The following NF1 variants were observed in gnomAD, a reference collection of about 807,000 sequenced individuals.
The protein encoded by NF1 is neurofibromin 1.
NF1 carries 122 observed loss-of-function variants against 325.7 expected under a neutral mutation model. That is an observed-to-expected ratio of 0.37 (90% CI 0.32 to 0.44). The LOEUF (loss-of-function observed/expected upper bound fraction) is 0.44, where lower values mean the gene tolerates loss of function less well. Ranked by LOEUF, NF1 falls within the 20% of genes least tolerant of loss-of-function variation. The probability of loss-of-function intolerance (pLI) is 1.00; values close to 1 mark genes in which losing one functional copy is unlikely to be tolerated. For missense variants in NF1, 2,140 were observed against 3,415.4 expected (o/e 0.63, Z 9.31); for synonymous variants, 1,091 against 1,186.0 (o/e 0.92, Z 1.65).
chr17:31,163,773 A>G (rs1016005698), intron 4 of NF1, among the ~76,000 whole-genome samples: 2 of 152,208 alleles, frequency 1.3e-5, no homozygotes, highest in Non-Finnish European at 2.9e-5. Context: ...TAAACATATT[A>G]TCCCTTTAAA....
At chr17:31,158,927 TTA>T (rs1429489496) in intron 2 of NF1, 81 bp from the exon 3 acceptor site, 1 of 794,038 alleles carries the variant, frequency 1.3e-6, no homozygotes, top group Non-Finnish European at 2.2e-6. Flanking sequence ...TGTTGATCTT[TTA>T]GTCTTTCACT....
At chr17:31,110,670 A>G (rs1296630805) in intron 1 of NF1, among the ~76,000 whole-genome samples, 1 of 152,200 alleles carries the variant, frequency 6.6e-6, no homozygotes, top group Non-Finnish European at 1.5e-5. Context: ...ACAAAGACTT[A>G]TTTTAAAATA....
chr17:31,115,892 T>G (rs1211564636), intron 1 of NF1, among the ~76,000 whole-genome samples: 4 of 152,242 alleles, frequency 2.6e-5, no homozygotes, highest in African/African-American at 9.6e-5. Context: ...GTTTTTGTTT[T>G]GTTTTCTTTT....
intron 1 of NF1, among the ~76,000 whole-genome samples, chr17:31,105,685 T>C (rs1418399828): frequency 6.6e-6 from 1 of 151,970 alleles, no homozygotes; most frequent in Admixed American, 6.6e-5. Context: ...CAGCTGATTT[T>C]GTTTTTTTAG....
intron 40 of NF1, among the ~76,000 whole-genome samples, chr17:31,335,296 A>ATATATATATATATATATATATAGG (rs1440930498): frequency 2.2e-4 from 11 of 50,084 alleles, no homozygotes; most frequent in Non-Finnish European, 2.6e-4. Flanking sequence ...ATATATATAT[A>ATATATATATATATATATATATAGG]ATTATGCCTT....
intron 43 of NF1, 106 bp from the exon 44 acceptor site, chr17:31,337,713 C>T: frequency 7.2e-7 from 1 of 1,397,948 alleles, no homozygotes; most frequent in South Asian, 1.2e-5. Flanking sequence ...CTTGCATGGA[C>T]TGTGTTATTG....
At chr17:31,256,696 C>T (rs2067588924) in intron 31 of NF1, among the ~76,000 whole-genome samples, 1 of 152,124 alleles carries the variant, frequency 6.6e-6, no homozygotes, top group Admixed American at 6.6e-5. Context: ...GTATCTAATT[C>T]TAAATGTATA....
intron 57 of NF1, among the ~76,000 whole-genome samples, chr17:31,370,005 G>GT (rs547035430): frequency 1.7e-3 from 250 of 149,918 alleles, no homozygotes; most frequent in Non-Finnish European, 2.1e-3. Context: ...CATTTTAATT[G>GT]TTTTTTTTTA....
chr17:31,246,595 G>A (rs966270822), intron 29 of NF1, among the ~76,000 whole-genome samples: 1 of 152,138 alleles, frequency 6.6e-6, no homozygotes, highest in Non-Finnish European at 1.5e-5. Flanking sequence ...TTAGTAAGAG[G>A]GATAAAACAC....
At chr17:31,135,365 C>T (rs1281963041) in intron 1 of NF1, among the ~76,000 whole-genome samples, 1 of 152,056 alleles carries the variant, frequency 6.6e-6, no homozygotes, top group Non-Finnish European at 1.5e-5. Flanking sequence ...TTTCTATTTG[C>T]CTGATAGATC....
chr17:31,328,741 G>A (rs2069408727), intron 38 of NF1, among the ~76,000 whole-genome samples: 2 of 152,088 alleles, frequency 1.3e-5, no homozygotes, highest in African/African-American at 2.4e-5. Context: ...AATTTTCCCT[G>A]AGGATAACAT....
intron 20 of NF1, 39 bp downstream of exon 20, chr17:31,227,645 T>G (rs1340877061): frequency 1.3e-6 from 2 of 1,518,446 alleles, no homozygotes; most frequent in Non-Finnish European, 1.8e-6. Context: ...TTAACTGATC[T>G]GCTAAATATA....
chr17:31,298,487 A>G (rs1328084929), intron 36 of NF1, among the ~76,000 whole-genome samples: 2 of 152,154 alleles, frequency 1.3e-5, no homozygotes, highest in African/African-American at 4.8e-5. Flanking sequence ...AGATTATACC[A>G]CAAATAGAAT....
intron 1 of NF1, among the ~76,000 whole-genome samples, chr17:31,110,545 C>A (rs922164119): frequency 6.6e-6 from 1 of 152,106 alleles, no homozygotes; most frequent in Non-Finnish European, 1.5e-5. Context: ...TTCTATGGTT[C>A]TTTCGTTTAT....
At chr17:31,102,339 C>A (rs1912416054) in intron 1 of NF1, among the ~76,000 whole-genome samples, 1 of 123,082 alleles carries the variant, frequency 8.1e-6, no homozygotes, top group Non-Finnish European at 1.9e-5. Context: ...TATATGTTTT[C>A]TTTATAGCTT....
intron 29 of NF1, among the ~76,000 whole-genome samples, chr17:31,245,013 A>G (rs1317459929): frequency 6.6e-6 from 1 of 152,188 alleles, no homozygotes; most frequent in African/African-American, 2.4e-5. Flanking sequence ...AGAATATTCA[A>G]CAGGTTACCA....
chr17:31,190,553 A>G (rs551298618), intron 8 of NF1, among the ~76,000 whole-genome samples: 1 of 152,372 alleles, frequency 6.6e-6, no homozygotes, highest in South Asian at 2.1e-4. Context: ...ATTCTGTTAC[A>G]CTAATGAGCC....
At chr17:31,289,899 C>T (rs1403750559) in intron 36 of NF1, among the ~76,000 whole-genome samples, 1 of 151,938 alleles carries the variant, frequency 6.6e-6, no homozygotes, top group African/African-American at 2.4e-5. Context: ...TTCTACCTTC[C>T]CCATCGTTGG....
chr17:31,148,777 G>T (rs1416281258), intron 1 of NF1, among the ~76,000 whole-genome samples: 1 of 151,970 alleles, frequency 6.6e-6, no homozygotes, highest in East Asian at 1.9e-4. Context: ...TAAATAATTA[G>T]ATACATTTAT....
Sources: allele counts gnomAD v4.1 joint callset (sites outside exome capture counted in the v4.1 genomes callset), GRCh38; gene constraint gnomAD v4.1.1; transcripts MANE v1.5; gene names NCBI Gene and HGNC (gene_info 2026-07-23, HGNC 2026-07-21).